Variants in ROBO2 observed in about 807,000 individuals in gnomAD.
The protein encoded by ROBO2 is roundabout guidance receptor 2, also known as roundabout homolog 2.
In ROBO2, 53 loss-of-function variants were observed where a neutral mutation model predicts 160.8. That is an observed-to-expected ratio of 0.33 (90% confidence interval 0.26 to 0.41). The LOEUF (loss-of-function observed/expected upper bound fraction) is 0.41, where lower values mean the gene tolerates loss of function less well. Ranked by LOEUF, ROBO2 falls within the 10% of genes least tolerant of loss-of-function variation. The probability of loss-of-function intolerance (pLI) is 1.00; values close to 1 mark genes in which losing one functional copy is unlikely to be tolerated. For missense variants in ROBO2, 1,577 were observed against 1,722.4 expected, an observed-to-expected ratio of 0.92 and a Z score of 1.49; for synonymous variants, 664 against 611.7, an observed-to-expected ratio of 1.09 and a Z score of -1.26.
At chr3:77,261,662 G>A (rs1217889160) in intron 2 of ROBO2, among the ~76,000 whole-genome samples, 3 of 152,110 alleles carry the variant, frequency 2.0e-5, no homozygotes, top group Non-Finnish European at 4.4e-5. Context: ...AGGTGAGGGG[G>A]GTGGTGCATG....
intron 2 of ROBO2, among the ~76,000 whole-genome samples, chr3:76,138,987 A>G (rs2071531570): frequency 6.6e-6 from 1 of 152,156 alleles, no homozygotes; most frequent in South Asian, 2.1e-4. Context: ...GCCACAAGAG[A>G]ATGTTTTGGC....
intron 2 of ROBO2, among the ~76,000 whole-genome samples, chr3:76,108,181 A>C (rs116557530): frequency 7.3e-4 from 111 of 152,006 alleles, no homozygotes; most frequent in Non-Finnish European, 1.3e-3. Context: ...CTGCGATGCT[A>C]ATCATCTTCC....
At chr3:76,126,052 G>A (rs945921825) in intron 2 of ROBO2, among the ~76,000 whole-genome samples, 2 of 152,042 alleles carry the variant, frequency 1.3e-5, no homozygotes, top group Admixed American at 1.3e-4. Context: ...GATCTCAGGT[G>A]ATCCACCCTC....
At chr3:76,174,069 G>C (rs553505193) in intron 2 of ROBO2, among the ~76,000 whole-genome samples, 2 of 152,008 alleles carry the variant, frequency 1.3e-5, no homozygotes, top group Non-Finnish European at 2.9e-5. Flanking sequence ...CTGGCATGAC[G>C]TGGTATCTCA....
At chr3:77,125,833 A>G (rs183137146) in intron 2 of ROBO2, among the ~76,000 whole-genome samples, 77 of 152,326 alleles carry the variant, frequency 5.1e-4, no homozygotes, top group African/African-American at 1.8e-3. Flanking sequence ...AGTAATTCAT[A>G]TCATAAAATA....
intron 2 of ROBO2, among the ~76,000 whole-genome samples, chr3:77,442,119 T>C (rs1363942724): frequency 1.3e-5 from 2 of 152,108 alleles, no homozygotes; most frequent in Non-Finnish European, 2.9e-5. Context: ...GAGACCATCC[T>C]GGCTAACACG....
At chr3:76,597,141 T>G (rs2086785829) in intron 2 of ROBO2, among the ~76,000 whole-genome samples, 2 of 152,036 alleles carry the variant, frequency 1.3e-5, no homozygotes. Flanking sequence ...AGAATTTAAA[T>G]GAAAACCGTA....
chr3:76,124,189 C>T (rs115850532), intron 2 of ROBO2, among the ~76,000 whole-genome samples: 1,936 of 152,078 alleles, frequency 0.013, 38 homozygotes, highest in African/African-American at 0.041. Context: ...CGAAAATATG[C>T]GGGAAATCCA....
chr3:76,748,390 A>G (rs1218369571), intron 2 of ROBO2, among the ~76,000 whole-genome samples: 2 of 151,726 alleles, frequency 1.3e-5, no homozygotes, highest in Non-Finnish European at 2.9e-5. Context: ...ACTAAGATAA[A>G]AATCACAAAA....
intron 2 of ROBO2, among the ~76,000 whole-genome samples, chr3:75,952,405 G>A (rs1948577323): frequency 6.6e-6 from 1 of 151,920 alleles, no homozygotes; most frequent in Non-Finnish European, 1.5e-5. Context: ...AGTGGCATAA[G>A]CATAATTATC....
At chr3:76,631,902 C>T (rs976600159) in intron 2 of ROBO2, among the ~76,000 whole-genome samples, 6 of 152,162 alleles carry the variant, frequency 3.9e-5, no homozygotes, top group Non-Finnish European at 8.8e-5. Context: ...AATGTTCACT[C>T]TCTCTGCAGT....
At chr3:77,462,894 C>T (rs911225286) in intron 2 of ROBO2, among the ~76,000 whole-genome samples, 1 of 152,136 alleles carries the variant, frequency 6.6e-6, no homozygotes, top group African/African-American at 2.4e-5. Flanking sequence ...GCATACAATG[C>T]ATATTCCAAA....
chr3:76,025,569 A>C (rs1344400001), intron 2 of ROBO2, among the ~76,000 whole-genome samples: 1 of 151,754 alleles, frequency 6.6e-6, no homozygotes, highest in Admixed American at 6.6e-5. Context: ...TAAAATAGGA[A>C]TAATCTGAGT....
At position 76,610,412 on chromosome 3, in the gene ROBO2, C is replaced by T. The variant is rs574772016; in HGVS notation, c.110-487602C>T. On this transcript the variant is annotated intron_variant, in intron 2 of 26. Coordinates refer to the ROBO2 transcript ENST00000487694. ...CTCCGTGCTCAGCCCACAGCTGGAA[C>T]GGCGTGGGGTGAGCAGCTTCCACCT... is the stretch of plus-strand genomic sequence containing the variant. Among the ~76,000 whole-genome samples, 128 of 152,238 alleles carry T rather than the reference C, an allele frequency of 8.4e-4. 2 individuals are homozygous for T. The highest frequency in any genetic ancestry group is 2.9e-3 in the African/African-American group (121 of 41,574).
At chr3:76,326,246 T>C (rs1005956286) in intron 2 of ROBO2, among the ~76,000 whole-genome samples, 1 of 152,098 alleles carries the variant, frequency 6.6e-6, no homozygotes, top group Non-Finnish European at 1.5e-5. Flanking sequence ...GTAGACACAC[T>C]GGAAATAAGA....
chr3:77,100,184 G>C (rs1175434117), intron 2 of ROBO2, among the ~76,000 whole-genome samples: 1 of 152,020 alleles, frequency 6.6e-6, no homozygotes. Flanking sequence ...TGTGTAATGT[G>C]ACAGTAATTT....
intron 25 of ROBO2, 102 bp from the exon 28 acceptor site, chr3:77,645,951 CT>C (rs2095409076): frequency 2.7e-6 from 2 of 752,096 alleles, no homozygotes; most frequent in Non-Finnish European, 4.4e-6. Context: ...ATCTGAAGAC[CT>C]TATTTTCATT....
intron 2 of ROBO2, among the ~76,000 whole-genome samples, chr3:76,412,281 AC>A (rs2075529706): frequency 6.6e-6 from 1 of 152,194 alleles, no homozygotes; most frequent in South Asian, 2.1e-4. Context: ...TCTGGGAAAT[AC>A]AATTCAAGTT....
At chr3:77,568,614 T>G (rs754637896) in intron 13 of ROBO2, among the ~76,000 whole-genome samples, 180 bp downstream of exon 14, 1 of 152,048 alleles carries the variant, frequency 6.6e-6, no homozygotes, top group African/African-American at 2.4e-5. Context: ...ATAGTAAGAA[T>G]AGATTATTAT....
Sources: gnomAD v4.1 joint callset for allele counts (sites outside exome capture counted in the v4.1 genomes callset) on GRCh38, gnomAD v4.1.1 for gene constraint, MANE v1.5 for transcripts, NCBI Gene and HGNC (gene_info 2026-07-23, HGNC 2026-07-21) for gene names.